The following CDC42SE2 variants were observed in gnomAD, a reference collection of about 807,000 sequenced individuals.
CDC42SE2 encodes CDC42 small effector 2.
CDC42SE2 carries 3 observed loss-of-function variants against 11.5 expected under a neutral mutation model. The ratio of observed to expected loss-of-function variants is 0.26; its 90% CI spans 0.12 to 0.67. CDC42SE2 has a LOEUF of 0.67. Among genes scored for constraint, CDC42SE2 ranks in the 30% least tolerant of loss-of-function variants. The pLI, the probability that CDC42SE2 is intolerant of heterozygous loss-of-function variation, is 0.80. For missense variants in CDC42SE2, 82 were observed against 106.8 expected (o/e 0.77, Z 1.02); for synonymous variants, 33 against 34.8 (o/e 0.95, Z 0.18).
At chr5:131,269,111 A>ATACTTG (rs574975506) in intron 1 of CDC42SE2, among the ~76,000 whole-genome samples, 190 of 152,222 alleles carry the variant, frequency 1.2e-3, no homozygotes, top group Middle Eastern at 3.4e-3. Flanking sequence ...AAGCTTAAGT[A>ATACTTG]TACTTGTATC....
chr5:131,329,276 T>A (rs1758361214), intron 2 of CDC42SE2, among the ~76,000 whole-genome samples: 1 of 152,208 alleles, frequency 6.6e-6, no homozygotes, highest in South Asian at 2.1e-4. Flanking sequence ...GGCTCCAGGT[T>A]ACCAGTTTCC....
intron 2 of CDC42SE2, among the ~76,000 whole-genome samples, chr5:131,345,333 T>A (rs1253848000): frequency 6.6e-6 from 1 of 152,058 alleles, no homozygotes; most frequent in Non-Finnish European, 1.5e-5. Flanking sequence ...CTGAAAACCA[T>A]GGCACAAGAA....
intron 3 of CDC42SE2, among the ~76,000 whole-genome samples, chr5:131,382,028 C>A (rs1750342589): frequency 6.6e-6 from 1 of 152,216 alleles, no homozygotes; most frequent in Non-Finnish European, 1.5e-5. Context: ...TCTTTCATAT[C>A]TCACAAACTG....
intron 2 of CDC42SE2, among the ~76,000 whole-genome samples, chr5:131,321,921 G>A (rs1758199298): frequency 1.3e-5 from 2 of 152,210 alleles, no homozygotes; most frequent in Non-Finnish European, 2.9e-5. Context: ...CGCGATGTCG[G>A]CTCACTGCAA....
chr5:131,235,815 G>A, the CDC42SE2 span, among the ~76,000 whole-genome samples: 9 of 151,496 alleles, frequency 5.9e-5, no homozygotes, highest in Middle Eastern at 3.4e-3. Flanking sequence ...GGCTGCTCTC[G>A]AACTCCTGAC....
chr5:131,292,150 A>C (rs1757469131), intron 1 of CDC42SE2, among the ~76,000 whole-genome samples: 1 of 149,428 alleles, frequency 6.7e-6, no homozygotes. Context: ...GAGGCAGGAG[A>C]ATCGCTTGAG....
chr5:131,311,801 T>C (rs1002756860), intron 1 of CDC42SE2, among the ~76,000 whole-genome samples: 1 of 152,210 alleles, frequency 6.6e-6, no homozygotes, highest in Non-Finnish European at 1.5e-5. Context: ...CATCAGCTCC[T>C]TTAAGCACTT....
At position 131,394,286 on chromosome 5, in the gene CDC42SE2, T is replaced by C. The variant is rs1580796496; in HGVS notation, c.*3195T>C. The C allele has an allele frequency of 6.6e-6, 1 of 152,482 alleles. No individual in the cohort carries two copies. The highest frequency in any genetic ancestry group is 1.5e-5 in the Non-Finnish European group (1 of 68,026). 9.4% of individuals were successfully genotyped at this position (152,482 alleles called of 1,614,324 possible). A position where few individuals can be genotyped will look rare whatever the true frequency, so the allele number is the denominator to read the frequency against. On this transcript the variant is annotated 3_prime_UTR_variant, in exon 5 of 5. Coordinates refer to ENST00000505065, the MANE Select transcript of CDC42SE2 (RefSeq NM_001375635.1). ...TGTGGATTGTTAGCAGTGATCTGCA[T>C]TCTGTAAAAGAGGTACTTTCCCATG...
At chr5:131,210,919 AC>A in the CDC42SE2 span, among the ~76,000 whole-genome samples, 1 of 152,130 alleles carries the variant, frequency 6.6e-6, no homozygotes, top group Non-Finnish European at 1.5e-5. Flanking sequence ...GCTCACTGCA[AC>A]CTCTGCCTCC....
chr5:131,253,517 C>A (rs1756657033), intron 1 of CDC42SE2, among the ~76,000 whole-genome samples: 1 of 152,222 alleles, frequency 6.6e-6, no homozygotes. Context: ...GTAATCCCAG[C>A]ACTTTGGGAG....
At chr5:131,261,958 T>C (rs1311994004), upstream of CDC42SE2, among the ~76,000 whole-genome samples, 2 of 151,468 alleles carry the variant, frequency 1.3e-5, no homozygotes, top group African/African-American at 2.4e-5. Flanking sequence ...TGAATAGCTA[T>C]AGCAACTGAA....
intron 1 of CDC42SE2, among the ~76,000 whole-genome samples, chr5:131,313,695 A>C (rs1482773851): frequency 1.3e-5 from 2 of 152,156 alleles, no homozygotes; most frequent in Non-Finnish European, 2.9e-5. Context: ...TCTGCCTACT[A>C]GTACAGTGTT....
At position 131,393,516 on chromosome 5, in the gene CDC42SE2, C is replaced by G. The variant is rs949096354; in HGVS notation, c.*2425C>G. 2.6e-5 allele frequency: 4 copies of G among 152,352 alleles called. No individual in the cohort carries two copies. The highest frequency in any genetic ancestry group is 7.2e-5 in the African/African-American group (3 of 41,450). The allele number at this position is 152,352 out of a possible 1,614,324, so 9.4% of individuals were successfully genotyped here. On this transcript the variant is annotated 3_prime_UTR_variant, in exon 5 of 5. Transcript: ENST00000505065. ...AGTAAGTTGAATTCATCCATTGTCA[C>G]TGATTCACCAAGTGGATGTTGCATT...
chr5:131,304,379 C>T (rs1757741035), intron 1 of CDC42SE2, among the ~76,000 whole-genome samples: 2 of 152,090 alleles, frequency 1.3e-5, no homozygotes, highest in Non-Finnish European at 2.9e-5. Context: ...ATAGAGGTGG[C>T]ATTTAATATG....
At position 131,392,216 on chromosome 5, in the gene CDC42SE2, A is replaced by G. The variant is rs1750679830; in HGVS notation, c.*1125A>G. 6.5e-6 allele frequency: 1 copy of G among 152,728 alleles called. No homozygotes were observed. Among genetic ancestry groups the G allele is most frequent in the African/African-American group, 2.4e-5 (1 of 41,434 alleles). 9.5% of individuals were successfully genotyped at this position (152,728 alleles called of 1,614,324 possible). A position where few individuals can be genotyped will look rare whatever the true frequency, so the allele number is the denominator to read the frequency against. On this transcript the variant is annotated 3_prime_UTR_variant, in exon 5 of 5. Coordinates refer to ENST00000505065, the MANE Select transcript of CDC42SE2 (RefSeq NM_001375635.1). ...CTGCCTTACGATTTTATTGGAAAGC[A>G]AGGACCTGCTATTATTTGTTAATTT...
chr5:131,265,999 A>C (rs1756850355), intron 1 of CDC42SE2, among the ~76,000 whole-genome samples: 1 of 152,160 alleles, frequency 6.6e-6, no homozygotes, highest in African/African-American at 2.4e-5. Flanking sequence ...TCATTTCAGG[A>C]ATTTTATTTT....
At chr5:131,212,327 C>T in the CDC42SE2 span, among the ~76,000 whole-genome samples, 22 of 152,188 alleles carry the variant, frequency 1.4e-4, no homozygotes, top group Non-Finnish European at 2.5e-4. Context: ...AGGCTGGTCT[C>T]GAACTCCTGA....
At chr5:131,275,424 G>C (rs550516554) in intron 1 of CDC42SE2, among the ~76,000 whole-genome samples, 8 of 151,708 alleles carry the variant, frequency 5.3e-5, no homozygotes, top group Admixed American at 1.3e-4. Flanking sequence ...AGCCTCCCAA[G>C]TAGCTGGGAT....
intron 1 of CDC42SE2, among the ~76,000 whole-genome samples, chr5:131,267,385 A>G (rs1756892554): frequency 6.6e-6 from 1 of 151,900 alleles, no homozygotes; most frequent in Non-Finnish European, 1.5e-5. Flanking sequence ...CCTTAAAAAT[A>G]CTAGTGTTTT....
Sources: allele counts gnomAD v4.1 joint callset (sites outside exome capture counted in the v4.1 genomes callset), GRCh38; gene constraint gnomAD v4.1.1; transcripts MANE v1.5; gene names NCBI Gene and HGNC (gene_info 2026-07-23, HGNC 2026-07-21).